The following MFSD12 variants were observed in gnomAD, a reference collection of about 807,000 sequenced individuals.
The protein encoded by MFSD12 is major facilitator superfamily domain-containing protein 12.
Under a neutral mutation model 51.2 loss-of-function variants are expected in MFSD12, and 67 were observed. The observed-to-expected ratio is 1.31, with a 90% confidence interval of 1.08 to 1.60. The LOEUF (loss-of-function observed/expected upper bound fraction) is 1.60. Among genes scored for constraint, MFSD12 ranks in the 40% most tolerant of loss-of-function variants. MFSD12 has a pLI of 0.00. For synonymous variants in MFSD12, 441 were observed against 316.7 expected (o/e 1.39, Z -4.17); for missense variants, 921 against 673.0 (o/e 1.37, Z -4.08).
intron 1 of MFSD12, among the ~76,000 whole-genome samples, chr19:3,554,424 G>A (rs1229255723): frequency 2.0e-5 from 3 of 148,012 alleles, no homozygotes; most frequent in African/African-American, 5.0e-5. Flanking sequence ...GCGACAGAGT[G>A]AGACTCTGTC....
intron 2 of MFSD12, among the ~76,000 whole-genome samples, chr19:3,548,990 C>T (rs556698614): frequency 1.3e-5 from 2 of 152,306 alleles, no homozygotes; most frequent in African/African-American, 4.8e-5. Context: ...GACACGAAGG[C>T]GCTGTGAGGA....
At chr19:3,543,991 T>C, downstream of MFSD12, 1 of 1,543,680 alleles carries the variant, frequency 6.5e-7, no homozygotes, top group Non-Finnish European at 8.8e-7. Context: ...CCGCCTTCCC[T>C]CACACCCACT....
intron 1 of MFSD12, 53 bp downstream of exon 1, chr19:3,557,053 G>A: frequency 7.1e-7 from 1 of 1,400,318 alleles, no homozygotes; most frequent in Non-Finnish European, 9.2e-7. Flanking sequence ...AGGCGCCCGG[G>A]TCGCGGAGTC....
chr19:3,550,763 G>A (rs1482674438), intron 2 of MFSD12, among the ~76,000 whole-genome samples: 1 of 151,920 alleles, frequency 6.6e-6, no homozygotes, highest in Non-Finnish European at 1.5e-5. Flanking sequence ...TGAGGCAAGA[G>A]TATCACTTGA....
At chr19:3,546,554 C>T in intron 6 of MFSD12, 129 bp from the exon 7 acceptor site, 1 of 1,142,816 alleles carries the variant, frequency 8.8e-7, no homozygotes, top group East Asian at 2.6e-5. Context: ...GGAGCCCTGG[C>T]TCTGGCCCTG....
At chr19:3,545,376 A>C (rs2030914186) in intron 8 of MFSD12, among the ~76,000 whole-genome samples, 1 of 152,142 alleles carries the variant, frequency 6.6e-6, no homozygotes, top group Non-Finnish European at 1.5e-5. Context: ...ATGGCCCACC[A>C]GGCCCTGCAC....
In MFSD12 at chr19:3,546,455, C is replaced by T. The variant is rs780185546; in HGVS notation, c.1024-30G>A. 3.1e-5 allele frequency: 49 copies of T among 1,581,388 alleles called. No homozygotes were observed. In the South Asian group the frequency reaches 5.6e-4, roughly 18 times the overall value. On this transcript the variant is annotated intron_variant, in intron 6 of 9. Coordinates refer to ENST00000355415, the MANE Select transcript of MFSD12 (RefSeq NM_174983.5). ...AGGGACAGCCCCGGGGTCAGGCCCA[C>T]ACCACTGGGTGCCCCCAAGCCTGGC...
downstream of MFSD12, chr19:3,543,378 G>T: frequency 6.5e-7 from 1 of 1,549,368 alleles, no homozygotes; most frequent in Non-Finnish European, 8.7e-7. Context: ...TGGGAAGCCT[G>T]GTACAACCTG....
downstream of MFSD12, chr19:3,543,715 CA>C (rs1228773230): frequency 6.7e-7 from 1 of 1,501,078 alleles, no homozygotes; most frequent in East Asian, 2.5e-5. Context: ...CTTGGGAGGC[CA>C]GGGGGACAAG....
chr19:3,544,960 T>G, intron 8 of MFSD12, 21 bp from the exon 9 acceptor site: 2 of 1,594,102 alleles, frequency 1.3e-6, no homozygotes, highest in Non-Finnish European at 1.7e-6. Flanking sequence ...AGGCGGGGGA[T>G]GAGTAGGCAC....
chr19:3,543,329 G>A (rs777183318), downstream of MFSD12: 104 of 1,549,292 alleles, frequency 6.7e-5, 1 homozygote, highest in African/African-American at 4.2e-4. Flanking sequence ...GGACGCAGCC[G>A]GCCAGCTGTG....
chr19:3,547,817 C>G, intron 4 of MFSD12, 31 bp downstream of exon 4: 1 of 1,464,440 alleles, frequency 6.8e-7, no homozygotes, highest in Non-Finnish European at 9.0e-7. Context: ...GAGAGAAGGC[C>G]CACGCCAGCC....
chr19:3,557,044 G>A (rs1372540275), intron 1 of MFSD12, 62 bp downstream of exon 1: 9 of 1,385,656 alleles, frequency 6.5e-6, no homozygotes, highest in South Asian at 4.7e-5. Flanking sequence ...AGAGGGAGGA[G>A]GCGCCCGGGT....
downstream of MFSD12, among the ~76,000 whole-genome samples, chr19:3,540,997 C>T (rs2030353951): frequency 6.6e-6 from 1 of 151,308 alleles, no homozygotes; most frequent in South Asian, 2.1e-4. Context: ...AGTGAAACCC[C>T]ATCTGTACTA....
rs1173502329 is a variant in MFSD12, at chr19:3,546,176, G to C, written c.1195-8C>G. 1.2e-5 allele frequency: 19 copies of C among 1,612,294 alleles called. No individual in the cohort carries two copies. The Middle Eastern group carries it at 1.2e-3, about 98-fold the overall frequency. On this transcript the variant is annotated splice_region_variant and splice_polypyrimidine_tract_variant and intron_variant, in intron 7 of 9. Transcript: ENST00000355415. ...CACGAACGCTCCGCTGTTCTGTGGAGACACAGGCGAGGTGGTCAGCGTGCA... is the reference window on the plus strand; with the variant it reads ...CACGAACGCTCCGCTGTTCTGTGGACACACAGGCGAGGTGGTCAGCGTGCA...
chr19:3,551,675 C>T lies in MFSD12; in HGVS notation c.299-481G>A, dbSNP rs1301863519. Among the ~76,000 whole-genome samples the T allele has an allele frequency of 6.6e-6, 1 of 152,144 alleles. No homozygotes were observed. The highest frequency in any genetic ancestry group is 1.5e-5 in the Non-Finnish European group (1 of 68,008). On this transcript the variant is annotated intron_variant, in intron 1 of 9. Coordinates refer to ENST00000355415, the MANE Select transcript of MFSD12 (RefSeq NM_174983.5). The surrounding 1 kb of genome is among the most constrained non-coding windows in gnomAD (Gnocchi z 4.6). ...CCAGGGACAGTCAGGAAATAGCACCCGCCCCCACCTGAGATCTGCGGTGGC... is the reference window on the plus strand; with the variant it reads ...CCAGGGACAGTCAGGAAATAGCACCTGCCCCCACCTGAGATCTGCGGTGGC...
Position 3,547,366 on chromosome 19 carries a change from T to C in MFSD12, c.931-2A>G. 1.2e-6 allele frequency: 2 copies of C among 1,613,218 alleles called. No homozygotes were observed. The highest frequency in any genetic ancestry group is 1.1e-5 in the South Asian group (1 of 91,086). ...CAGGGGAATGGTCGCGATGAACTTC[T>C]GCGGAGGCAGAGCCAGGCATGCCGT... On this transcript the variant is annotated splice_acceptor_variant, in intron 5 of 9. Coordinates refer to ENST00000355415, the MANE Select transcript of MFSD12 (RefSeq NM_174983.5). LOFTEE classifies it high-confidence loss of function.
At position 3,547,978 on chromosome 19, in the gene MFSD12, T is replaced by C. The variant is rs1460349696; in HGVS notation, c.707A>G (p.His236Arg). ...CCGGCGCCTCTCCCGGGTGCCCAGGTGGAATAGCAGTGAGAACACGGCGCC... is the reference window on the plus strand; with the variant it reads ...CCGGCGCCTCTCCCGGGTGCCCAGGCGGAATAGCAGTGAGAACACGGCGCC... ...GVGAVFSLLFHLGTRERRRPH... is the reference protein window; with the variant it reads ...GVGAVFSLLFRLGTRERRRPH... The change falls in exon 4 of 10, where the codon CAC becomes CGC. Residue 236 changes from histidine to arginine, a missense_variant. His to Arg is a conservative substitution (Grantham distance 29). Coordinates refer to ENST00000355415, the MANE Select transcript of MFSD12 (RefSeq NM_174983.5). 12 of 1,596,516 alleles carry C rather than the reference T, an allele frequency of 7.5e-6. No homozygotes were observed. Among genetic ancestry groups the C allele is most frequent in the Admixed American group, 1.7e-5 (1 of 58,314 alleles).
At chr19:3,543,322 C>A, downstream of MFSD12, 16 of 1,549,346 alleles carry the variant, frequency 1.0e-5, no homozygotes, top group Non-Finnish European at 1.3e-5. Context: ...TGGGACGGGA[C>A]GCAGCCGGCC....
Sources: allele counts gnomAD v4.1 joint callset (sites outside exome capture counted in the v4.1 genomes callset), GRCh38; gene constraint gnomAD v4.1.1; non-coding constraint Gnocchi (gnomAD v3.1); transcripts MANE v1.5; gene names NCBI Gene and HGNC (gene_info 2026-07-23, HGNC 2026-07-21).